Variants in ADGRL3 observed in about 807,000 individuals in gnomAD.
The protein encoded by ADGRL3 is adhesion G protein-coupled receptor L3.
A neutral mutation model predicts 153.5 loss-of-function variants in ADGRL3; 62 were observed. That is an observed-to-expected ratio of 0.40 (90% CI 0.33 to 0.50). ADGRL3 has a LOEUF of 0.50. Among genes scored for constraint, ADGRL3 ranks in the 20% least tolerant of loss-of-function variants. The pLI is 0.47. For missense variants in ADGRL3, 1,641 were observed against 1,859.4 expected, an observed-to-expected ratio of 0.88 and a Z score of 2.16; for synonymous variants, 710 against 672.5, an observed-to-expected ratio of 1.06 and a Z score of -0.86.
At chr4:61,208,963 G>A (rs1028857528) in intron 1 of ADGRL3, among the ~76,000 whole-genome samples, 9 of 151,976 alleles carry the variant, frequency 5.9e-5, no homozygotes, top group Admixed American at 2.0e-4. Context: ...TATACATTCC[G>A]ATTACCTTTA....
intron 1 of ADGRL3, among the ~76,000 whole-genome samples, chr4:61,357,992 A>G (rs2096209750): frequency 6.6e-6 from 1 of 152,202 alleles, no homozygotes; most frequent in South Asian, 2.1e-4. Context: ...CTATTCTAAT[A>G]GGGAATTGCA....
At chr4:62,019,995 A>C (rs2099230476) in intron 21 of ADGRL3, among the ~76,000 whole-genome samples, 1 of 152,116 alleles carries the variant, frequency 6.6e-6, no homozygotes. Flanking sequence ...CCTGCTTCCA[A>C]CTGTGCTGCA....
chr4:61,482,642 CT>C (rs1024089716), intron 2 of ADGRL3, among the ~76,000 whole-genome samples: 4 of 151,986 alleles, frequency 2.6e-5, no homozygotes, highest in Admixed American at 1.3e-4. Flanking sequence ...ATAGAAAAGG[CT>C]TTTTGCAGGG....
At chr4:61,727,709 G>A (rs1041432603) in intron 6 of ADGRL3, among the ~76,000 whole-genome samples, 3 of 151,956 alleles carry the variant, frequency 2.0e-5, no homozygotes, top group African/African-American at 7.3e-5. Context: ...TATTTAATGG[G>A]TTAGAGATAC....
At chr4:62,063,367 T>C in intron 25 of ADGRL3, 1 of 452,340 alleles carries the variant, frequency 2.2e-6, no homozygotes, top group South Asian at 5.3e-5. Context: ...CATATTTTTT[T>C]AGTCTAGTTA....
intron 1 of ADGRL3, among the ~76,000 whole-genome samples, chr4:61,269,961 T>A (rs1505665): frequency 0.8 from 120,504 of 151,520 alleles, 48,118 homozygotes; most frequent in East Asian, 0.94. Context: ...AAGTTACATG[T>A]CAAATGGTTG....
intron 4 of ADGRL3, among the ~76,000 whole-genome samples, chr4:61,572,505 A>G (rs2098843217): frequency 1.3e-5 from 2 of 152,120 alleles, no homozygotes; most frequent in South Asian, 4.1e-4. Context: ...AGGAAACACA[A>G]TATTAAATGC....
chr4:61,835,753 G>T (rs748686145), intron 9 of ADGRL3, among the ~76,000 whole-genome samples: 27 of 144,682 alleles, frequency 1.9e-4, no homozygotes, highest in Non-Finnish European at 3.7e-4. Context: ...AAATGGCAAA[G>T]TTACATAAAT....
intron 6 of ADGRL3, among the ~76,000 whole-genome samples, chr4:61,697,936 C>A (rs903281613): frequency 6.6e-6 from 1 of 152,098 alleles, no homozygotes; most frequent in Non-Finnish European, 1.5e-5. Context: ...AGATCATCTT[C>A]CTCTATACCA....
At chr4:61,428,319 G>C (rs6825458) in intron 2 of ADGRL3, 25,453 of 152,168 alleles carry the variant, frequency 0.17, 2,274 homozygotes, top group Middle Eastern at 0.26. Context: ...ACATAACTGT[G>C]GTTATATAAT....
At chr4:61,324,299 C>A (rs2095423558) in intron 1 of ADGRL3, among the ~76,000 whole-genome samples, 1 of 151,920 alleles carries the variant, frequency 6.6e-6, no homozygotes, top group African/African-American at 2.4e-5. Flanking sequence ...CACATATGTA[C>A]CTACTAAATC....
chr4:62,020,306 A>G (rs2151373684), intron 21 of ADGRL3, among the ~76,000 whole-genome samples: 1 of 152,232 alleles, frequency 6.6e-6, no homozygotes, highest in African/African-American at 2.4e-5. Flanking sequence ...AGTGGAAAAA[A>G]GAAATCCTGA....
chr4:61,651,044 C>G (rs1219606603), intron 5 of ADGRL3, among the ~76,000 whole-genome samples: 1 of 152,100 alleles, frequency 6.6e-6, no homozygotes, highest in Non-Finnish European at 1.5e-5. Context: ...ATCACTCATA[C>G]TCAGCCTCAA....
chr4:61,775,347 C>T, intron 8 of ADGRL3: 1 of 346,458 alleles, frequency 2.9e-6, no homozygotes, highest in South Asian at 3.4e-5. Context: ...GACACAAATT[C>T]AAGTTCCCAG....
rs191164856 is a variant in ADGRL3 at position 61,612,469 on chromosome 4, G to C, written c.473+25029G>C. Among the ~76,000 whole-genome samples the C allele has an allele frequency of 1.7e-4, 26 of 152,156 alleles. 1 individual carries two copies. Among genetic ancestry groups the C allele is most frequent in the Admixed American group, 1.7e-3 (26 of 15,268 alleles). Reference sequence around the variant, plus strand: ...GAAAATATACACCTTTTAGTTATTTGTTGGATCAACCAAAAATACGAGGAA... The same window carrying C: ...GAAAATATACACCTTTTAGTTATTTCTTGGATCAACCAAAAATACGAGGAA... On this transcript the variant is annotated intron_variant, in intron 5 of 26. Transcript: ENST00000683033.
chr4:62,039,516 T>G (rs557187142), intron 24 of ADGRL3, among the ~76,000 whole-genome samples: 1 of 152,302 alleles, frequency 6.6e-6, no homozygotes, highest in Admixed American at 6.5e-5. Context: ...AATTGCATGA[T>G]TATTAATAAT....
At chr4:61,329,086 T>C (rs1415741999) in intron 1 of ADGRL3, among the ~76,000 whole-genome samples, 2 of 152,146 alleles carry the variant, frequency 1.3e-5, no homozygotes, top group Non-Finnish European at 2.9e-5. Flanking sequence ...TGAGCAGACA[T>C]GAAGGACTGG....
chr4:61,767,538 G>C (rs767711578), intron 8 of ADGRL3, among the ~76,000 whole-genome samples: 2 of 152,146 alleles, frequency 1.3e-5, no homozygotes, highest in Non-Finnish European at 2.9e-5. Flanking sequence ...GGGGGCTTCC[G>C]AGGCAATCGG....
intron 1 of ADGRL3, among the ~76,000 whole-genome samples, chr4:61,207,260 C>T (rs1013158979): frequency 3.3e-5 from 5 of 152,082 alleles, no homozygotes; most frequent in African/African-American, 9.7e-5. Context: ...CATGTGTTCT[C>T]ATTGTTCAAC....
Sources: gnomAD v4.1 joint callset for allele counts (sites outside exome capture counted in the v4.1 genomes callset) on GRCh38, gnomAD v4.1.1 for gene constraint, MANE v1.5 for transcripts, NCBI Gene and HGNC (gene_info 2026-07-23, HGNC 2026-07-21) for gene names.